TPST2: variants seen among roughly 807,000 people sequenced by gnomAD.
TPST2 encodes the protein protein-tyrosine sulfotransferase 2.
In TPST2, 16 loss-of-function variants were observed where a neutral mutation model predicts 27.8. The ratio of observed to expected loss-of-function variants is 0.58; its 90% CI spans 0.39 to 0.88. TPST2 has a LOEUF of 0.88. TPST2 is among the 40% of genes least tolerant of loss of function. The pLI, the probability that TPST2 is intolerant of heterozygous loss-of-function variation, is 0.00. For synonymous variants in TPST2, 229 were observed against 231.7 expected, an observed-to-expected ratio of 0.99 and a Z score of 0.10; for missense variants, 464 against 543.1, an observed-to-expected ratio of 0.85 and a Z score of 1.45.
At chr22:26,586,462 C>G (rs1928353057) in intron 1 of TPST2, among the ~76,000 whole-genome samples, 1 of 152,106 alleles carries the variant, frequency 6.6e-6, no homozygotes, top group Non-Finnish European at 1.5e-5. Context: ...GTTATTCAGG[C>G]TGGTCTCAAA....
At chr22:26,575,456 A>G (rs1266676978) in intron 1 of TPST2, among the ~76,000 whole-genome samples, 1 of 143,810 alleles carries the variant, frequency 7.0e-6, no homozygotes, top group Non-Finnish European at 1.6e-5. Context: ...ACACTTCTCA[A>G]AGACCATCTC....
In TPST2 at chr22:26,536,380, C is replaced by T. The variant is rs1264128607; in HGVS notation, c.949G>A (p.Ala317Thr). 6 of 1,607,278 alleles carry T rather than the reference C, an allele frequency of 3.7e-6. No homozygotes were observed. Among genetic ancestry groups the T allele is most frequent in the South Asian group, 2.2e-5 (2 of 90,622 alleles). ...GDVVRDMAQI[A>T]PMLAQLGYDP... Reference sequence around the variant, plus strand: ...TAGCCGAGCTGAGCCAGCATGGGGGCGATCTGGGCCATGTCCCGCACCACA... The same window carrying T: ...TAGCCGAGCTGAGCCAGCATGGGGGTGATCTGGGCCATGTCCCGCACCACA... Residue 317 changes from alanine (A) to threonine (T), a missense_variant, in exon 4 of 7, where the codon GCC (alanine) becomes ACC (threonine). Transcript: ENST00000338754.
chr22:26,560,747 A>G, intron 1 of TPST2: 1 of 1,166,994 alleles, frequency 8.6e-7, no homozygotes, highest in South Asian at 1.2e-5. Context: ...ACGAAAGAGA[A>G]ATGAAAACCT....
chr22:26,557,557 C>T (rs1162139336), intron 1 of TPST2, among the ~76,000 whole-genome samples: 1 of 151,994 alleles, frequency 6.6e-6, no homozygotes, highest in African/African-American at 2.4e-5. Flanking sequence ...AGGAGATTGG[C>T]AAGCTCTAGA....
At chr22:26,534,954 C>CTT (rs1189883650) in intron 4 of TPST2, among the ~76,000 whole-genome samples, 18 of 152,124 alleles carry the variant, frequency 1.2e-4, no homozygotes, top group African/African-American at 4.3e-4. Flanking sequence ...CGTTGAATCT[C>CTT]TGAGTATTTC....
Position 26,540,807 on chromosome 22 carries a change from C to T in TPST2, c.824G>A (p.Gly275Asp). Residue 275 changes from glycine (G) to aspartate (D), a missense_variant, in exon 3 of 7, where the codon GGT (glycine) becomes GAT (aspartate). Gly to Asp is a moderately conservative substitution (Grantham distance 94). Coordinates refer to ENST00000338754, the MANE Select transcript of TPST2 (RefSeq NM_003595.5). ...LHHEDLIGKP[G>D]GVSLSKIERS... is the part of the protein sequence containing the mutation. ...CACTCACTTGGACAGGGAGACACCA[C>T]CGGGCTTGCCAATGAGGTCTTCATG... is the stretch of plus-strand genomic sequence containing the variant. 1.3e-6 allele frequency: 2 copies of T among 1,597,340 alleles called. No individual in the cohort carries two copies. Among genetic ancestry groups the T allele is most frequent in the Non-Finnish European group, 8.6e-7 (1 of 1,169,554 alleles).
At position 26,538,431 on chromosome 22, in the gene TPST2, A is replaced by T. The variant is rs752689997; in HGVS notation, c.843-1945T>A. ...CATGAATGAGGGCAATGCTTGATAC[A>T]TATCAGTAAAACTGGAAATAACCGA... is the stretch of plus-strand genomic sequence containing the variant. On this transcript the variant is annotated intron_variant, in intron 3 of 6. Coordinates refer to ENST00000338754, the MANE Select transcript of TPST2 (RefSeq NM_003595.5). 2.0e-5 allele frequency among the ~76,000 whole-genome samples: 3 copies of T among 152,268 alleles called. No individual in the cohort carries two copies. The South Asian group carries it at 6.2e-4, about 31-fold the overall frequency.
intron 1 of TPST2, among the ~76,000 whole-genome samples, chr22:26,577,351 C>CCT (rs1555935615): frequency 7.0e-6 from 1 of 143,746 alleles, no homozygotes; most frequent in Non-Finnish European, 1.5e-5. Context: ...AATATTTGCT[C>CCT]TTTTTTTTTT....
intron 1 of TPST2, chr22:26,555,427 G>A: frequency 2.8e-6 from 1 of 358,254 alleles, no homozygotes; most frequent in Admixed American, 3.7e-5. Context: ...CCACTCACCA[G>A]TGGCCTTGAG....
In TPST2 at chr22:26,579,618, G is replaced by A. The variant is rs1054069967; in HGVS notation, c.-161+10435C>T. On this transcript the variant is annotated intron_variant, in intron 1 of 6. Coordinates refer to ENST00000338754, the MANE Select transcript of TPST2 (RefSeq NM_003595.5). ...CCCGGGCTCTGCAAGGGTCCGGATG[G>A]TTCTGTGGCAGGATGTCAGCCACCA... Among the ~76,000 whole-genome samples, 6 of 152,254 alleles carry A rather than the reference G, an allele frequency of 3.9e-5. No homozygotes were observed. In the East Asian group the frequency reaches 1.2e-3, roughly 29 times the overall value.
In TPST2 at chr22:26,541,625, G is replaced by A. The variant is rs1382314856; in HGVS notation, c.6C>T (p.Arg2=). M[R]LSVRRVLLAA... Reference sequence around the variant, plus strand: ...CCAGCAGCACCCTCCGCACCGACAGGCGCATGCTGGGCCGGAGGCAGGGTA... The same window carrying A: ...CCAGCAGCACCCTCCGCACCGACAGACGCATGCTGGGCCGGAGGCAGGGTA... Residue 2 remains arginine, a synonymous_variant, in exon 3 of 7, where the codon CGC becomes CGT. Coordinates refer to ENST00000338754, the MANE Select transcript of TPST2 (RefSeq NM_003595.5). The surrounding 1 kb of genome is among the most constrained non-coding windows in gnomAD (Gnocchi z 5.9). 5 of 1,572,656 alleles carry A rather than the reference G, an allele frequency of 3.2e-6. No individual in the cohort carries two copies. The highest frequency in any genetic ancestry group is 1.3e-5 in the African/African-American group (1 of 74,308).
chr22:26,576,761 AG>A (rs1927851841), intron 1 of TPST2, among the ~76,000 whole-genome samples: 1 of 151,980 alleles, frequency 6.6e-6, no homozygotes, highest in African/African-American at 2.4e-5. Flanking sequence ...ACTTGAGACA[AG>A]GAGTTCAAGA....
intron 1 of TPST2, among the ~76,000 whole-genome samples, chr22:26,568,888 G>A (rs1220248811): frequency 0.042 from 5 of 120 alleles, no homozygotes; most frequent in South Asian, 0.17. Context: ...TTTTTGAGAC[G>A]GATCTCGCTC....
chr22:26,582,927 CG>C (rs751607537), intron 1 of TPST2, among the ~76,000 whole-genome samples: 1 of 151,958 alleles, frequency 6.6e-6, no homozygotes, highest in Non-Finnish European at 1.5e-5. Context: ...TAAGGTGGCA[CG>C]GCACCCTAGC....
At chr22:26,587,969 A>G (rs1307810231) in intron 1 of TPST2, among the ~76,000 whole-genome samples, 1 of 152,074 alleles carries the variant, frequency 6.6e-6, no homozygotes, top group African/African-American at 2.4e-5. Flanking sequence ...AAAAATATTT[A>G]AAGGTGAAAC....
chr22:26,532,931 T>A (rs1400743630), intron 4 of TPST2, among the ~76,000 whole-genome samples, 186 bp from the exon 5 acceptor site: 3 of 152,204 alleles, frequency 2.0e-5, no homozygotes, highest in Admixed American at 2.0e-4. Context: ...GTTGACATGA[T>A]GTTAACCAGA....
intron 1 of TPST2, among the ~76,000 whole-genome samples, chr22:26,586,077 T>G (rs895360406): frequency 6.6e-6 from 1 of 151,868 alleles, no homozygotes; most frequent in Non-Finnish European, 1.5e-5. Flanking sequence ...AATAATACAT[T>G]TCAACAGCCT....
chr22:26,579,012 G>A (rs992840799), intron 1 of TPST2, among the ~76,000 whole-genome samples: 5 of 151,918 alleles, frequency 3.3e-5, no homozygotes, highest in African/African-American at 9.7e-5. Context: ...CACCATGCCC[G>A]GCTGATTTTT....
Position 26,541,094 on chromosome 22 carries a change from C to G in TPST2, c.537G>C (p.Leu179=). 6.2e-7 allele frequency: 1 copy of G among 1,607,342 alleles called. No individual in the cohort carries two copies. The highest frequency in any genetic ancestry group is 8.5e-7 in the Non-Finnish European group (1 of 1,174,934). ...AGGCCCGGCCGTCCCGCACCATCAG[C>G]AGGAACTTGGAGTTGGGGAACAGGC... The part of the protein sequence containing the change: ...LSRLFPNSKF[L]LMVRDGRASV... The change falls in exon 3 of 7, where the codon CTG becomes CTC. Residue 179 remains leucine, a synonymous_variant. Coordinates refer to ENST00000338754, the MANE Select transcript of TPST2 (RefSeq NM_003595.5). This position sits in a 1 kb window ranked among gnomAD's most constrained non-coding sequence, Gnocchi z 5.9.
Sources: gnomAD v4.1 joint callset for allele counts (sites outside exome capture counted in the v4.1 genomes callset) on GRCh38, gnomAD v4.1.1 for gene constraint, Gnocchi (gnomAD v3.1) non-coding constraint, MANE v1.5 for transcripts, NCBI Gene and HGNC (gene_info 2026-07-23, HGNC 2026-07-21) for gene names.